ARHGAP35: variants seen among roughly 807,000 people sequenced by gnomAD.
ARHGAP35 encodes the protein Rho GTPase activating protein 35.
ARHGAP35 carries 15 observed loss-of-function variants against 111.1 expected under a neutral mutation model. The observed-to-expected ratio is 0.13, with a 90% CI of 0.09 to 0.21. ARHGAP35 has a LOEUF of 0.21. ARHGAP35 is among the 10% of genes least tolerant of loss of function. The pLI is 1.00. For synonymous variants in ARHGAP35, 643 were observed against 710.3 expected (o/e 0.91, Z 1.51); for missense variants, 1,262 against 1,873.0 (o/e 0.67, Z 6.02).
chr19:46,974,031 C>T (rs976595350), intron 3 of ARHGAP35, among the ~76,000 whole-genome samples: 1 of 152,082 alleles, frequency 6.6e-6, no homozygotes, highest in African/African-American at 2.4e-5. Flanking sequence ...CGCTCTGTTG[C>T]CCAGGCTAGA....
chr19:46,952,060 T>A (rs1287599222), intron 3 of ARHGAP35, among the ~76,000 whole-genome samples: 2 of 152,232 alleles, frequency 1.3e-5, no homozygotes. Flanking sequence ...TCAAAATAAC[T>A]GCAAGATGTG....
chr19:46,862,094 C>A (rs1432189337), intron 1 of ARHGAP35, among the ~76,000 whole-genome samples: 1 of 152,142 alleles, frequency 6.6e-6, no homozygotes, highest in African/African-American at 2.4e-5. Context: ...AGACCCTTTC[C>A]TCTCTTCCAG....
chr19:46,969,868 C>G (rs757965675), intron 3 of ARHGAP35, among the ~76,000 whole-genome samples: 4 of 152,124 alleles, frequency 2.6e-5, no homozygotes, highest in South Asian at 2.1e-4. Context: ...GTGAATACCC[C>G]CCTCCCACCT....
At chr19:46,870,431 T>C (rs187305677) in intron 1 of ARHGAP35, among the ~76,000 whole-genome samples, 2 of 151,708 alleles carry the variant, frequency 1.3e-5, no homozygotes, top group Non-Finnish European at 2.9e-5. Context: ...TACAAAAAAT[T>C]AGCCGGGTGT....
intron 1 of ARHGAP35, among the ~76,000 whole-genome samples, chr19:46,869,936 CTG>C (rs1469548081): frequency 1.4e-5 from 2 of 145,534 alleles, no homozygotes; most frequent in African/African-American, 2.5e-5. Context: ...CCTGAAATCA[CTG>C]TGTACTTTTT....
At chr19:46,924,530 T>G (rs2056227604) in intron 2 of ARHGAP35, among the ~76,000 whole-genome samples, 2 of 152,340 alleles carry the variant, frequency 1.3e-5, no homozygotes, top group African/African-American at 4.8e-5. Context: ...TTTGCCTGGC[T>G]TTTCTACATG....
chr19:46,874,154 A>G (rs970239385), intron 1 of ARHGAP35, among the ~76,000 whole-genome samples: 2 of 152,170 alleles, frequency 1.3e-5, no homozygotes, highest in Non-Finnish European at 2.9e-5. Context: ...AGAGGGAACA[A>G]ACTAGTTCTT....
intron 1 of ARHGAP35, among the ~76,000 whole-genome samples, chr19:46,891,096 C>A (rs2122151929): frequency 6.6e-6 from 1 of 152,318 alleles, no homozygotes; most frequent in Middle Eastern, 3.4e-3. Context: ...CACTTTCCAT[C>A]TGGGTAGCCT....
intron 3 of ARHGAP35, among the ~76,000 whole-genome samples, chr19:46,955,390 G>C (rs1224598343): frequency 1.3e-5 from 2 of 152,216 alleles, no homozygotes; most frequent in Admixed American, 1.3e-4. Flanking sequence ...ACATTGATAA[G>C]CATTATTTCA....
intron 5 of ARHGAP35, among the ~76,000 whole-genome samples, chr19:46,996,745 A>G (rs1042415687): frequency 6.6e-6 from 1 of 152,198 alleles, no homozygotes; most frequent in African/African-American, 2.4e-5. Flanking sequence ...CACCACACAC[A>G]TGCTGCTTGT....
rs2056688696 is a variant in ARHGAP35 at position 46,993,248 on chromosome 19, C to T, written c.4036+3573C>T. Among the ~76,000 whole-genome samples, 1 of 152,220 alleles carries T rather than the reference C, an allele frequency of 6.6e-6. No homozygotes were observed. The highest frequency in any genetic ancestry group is 1.5e-5 in the Non-Finnish European group (1 of 68,038). On this transcript the variant is annotated intron_variant, in intron 5 of 6. Transcript: ENST00000672722. The surrounding 1 kb of genome is among the most constrained non-coding windows in gnomAD (Gnocchi z 4.6). The stretch of plus-strand genomic sequence containing the variant: ...TGGGGCGGGGAGAGCCGACGCCGGA[C>T]GAGCCTGCGTGATCACTGAAGGGCT...
chr19:46,901,418 C>T lies in ARHGAP35; in HGVS notation c.-188-17070C>T, dbSNP rs2122167895. The stretch of plus-strand genomic sequence containing the variant: ...ACTAAAAATACAAAAATTAGCTAGG[C>T]ATGGTGACGCGTGCCTGTAGTTCCA... On this transcript the variant is annotated intron_variant, in intron 1 of 6. Coordinates refer to ENST00000672722, the MANE Select transcript of ARHGAP35 (RefSeq NM_004491.5). The surrounding 1 kb of genome is among the most constrained non-coding windows in gnomAD (Gnocchi z 4.5). Among the ~76,000 whole-genome samples, 1 of 152,096 alleles carries T rather than the reference C, an allele frequency of 6.6e-6. No individual in the cohort carries two copies. Among genetic ancestry groups the T allele is most frequent in the East Asian group, 1.9e-4 (1 of 5,190 alleles).
At chr19:46,952,918 T>C (rs547284877) in intron 3 of ARHGAP35, among the ~76,000 whole-genome samples, 8 of 152,178 alleles carry the variant, frequency 5.3e-5, no homozygotes, top group Non-Finnish European at 8.8e-5. Flanking sequence ...CCTTGAGTGA[T>C]CTGCCCACCT....
At chr19:46,985,588 A>C (rs1261647888) in intron 3 of ARHGAP35, among the ~76,000 whole-genome samples, 1 of 152,110 alleles carries the variant, frequency 6.6e-6, no homozygotes, top group Non-Finnish European at 1.5e-5. Flanking sequence ...TCTTCCCATG[A>C]GGTGTGGGAG....
At chr19:46,891,721 G>A (rs528949162) in intron 1 of ARHGAP35, among the ~76,000 whole-genome samples, 146 of 152,222 alleles carry the variant, frequency 9.6e-4, no homozygotes, top group Non-Finnish European at 1.5e-3. Flanking sequence ...CACTGTGCCC[G>A]GCCAGGGCAA....
At chr19:46,862,119 C>T (rs2055832172) in intron 1 of ARHGAP35, among the ~76,000 whole-genome samples, 2 of 152,138 alleles carry the variant, frequency 1.3e-5, no homozygotes, top group Admixed American at 1.3e-4. Flanking sequence ...TTCTGCCTCT[C>T]AGCTCTGCCC....
chr19:46,868,893 ATTTTTTTT>A (rs59080309), intron 1 of ARHGAP35, among the ~76,000 whole-genome samples: 3 of 58,704 alleles, frequency 5.1e-5, no homozygotes, highest in African/African-American at 1.5e-4. Flanking sequence ...GCTCACCGTG[ATTTTTTTT>A]TTTTTTTTTT....
intron 1 of ARHGAP35, among the ~76,000 whole-genome samples, chr19:46,905,437 G>A (rs916202066): frequency 6.0e-5 from 9 of 150,546 alleles, no homozygotes; most frequent in Non-Finnish European, 1.3e-4. Flanking sequence ...GTGCAGTGGC[G>A]CGATCTTGGC....
rs1466007808 is a variant in ARHGAP35, at chr19:46,992,107, C to T, written c.4036+2432C>T. Among the ~76,000 whole-genome samples, 3 of 152,242 alleles carry T rather than the reference C, an allele frequency of 2.0e-5. No homozygotes were observed. Among genetic ancestry groups the T allele is most frequent in the African/African-American group, 7.2e-5 (3 of 41,464 alleles). ...ACGTGGGAGATTCAGAAATGAACAG[C>T]AGCAGCAACCGCACCGCCCATGGCC... On this transcript the variant is annotated intron_variant, in intron 5 of 6. Coordinates refer to ENST00000672722, the MANE Select transcript of ARHGAP35 (RefSeq NM_004491.5). This position sits in a 1 kb window ranked among gnomAD's most constrained non-coding sequence, Gnocchi z 4.4.
Sources: allele counts gnomAD v4.1 joint callset (sites outside exome capture counted in the v4.1 genomes callset), GRCh38; gene constraint gnomAD v4.1.1; non-coding constraint Gnocchi (gnomAD v3.1); transcripts MANE v1.5; gene names NCBI Gene and HGNC (gene_info 2026-07-23, HGNC 2026-07-21).